ARFGEF2: variants seen among roughly 807,000 people sequenced by gnomAD.
The protein encoded by ARFGEF2 is ARF guanine nucleotide exchange factor 2.
In ARFGEF2, 74 loss-of-function variants were observed where a neutral mutation model predicts 219.9. That is an observed-to-expected ratio of 0.34 (90% CI 0.28 to 0.41). The LOEUF is 0.41. Among genes scored for constraint, ARFGEF2 ranks in the 10% least tolerant of loss-of-function variants. ARFGEF2 has a pLI of 1.00. For synonymous variants in ARFGEF2, 733 were observed against 799.2 expected, an observed-to-expected ratio of 0.92 and a Z score of 1.40; for missense variants, 1,743 against 2,218.3, an observed-to-expected ratio of 0.79 and a Z score of 4.30.
chr20:48,976,941 A>C (rs1346511118), intron 14 of ARFGEF2, among the ~76,000 whole-genome samples: 1 of 58,416 alleles, frequency 1.7e-5, no homozygotes, highest in African/African-American at 9.5e-5. Flanking sequence ...TAGGCATTTT[A>C]TTTTATTTTA....
In ARFGEF2 at chr20:49,028,561, A is replaced by G; in HGVS notation, c.4956A>G (p.Leu1652=). 1 of 1,614,222 alleles carries G rather than the reference A, an allele frequency of 6.2e-7. No homozygotes were observed. The highest frequency in any genetic ancestry group is 8.5e-7 in the Non-Finnish European group (1 of 1,180,022). Residue 1652 remains leucine, a synonymous_variant, in exon 37 of 39, where the codon CTA becomes CTG. Coordinates refer to ENST00000371917, the MANE Select transcript of ARFGEF2 (RefSeq NM_006420.3). ...AGGGCAAGTCTAAACCCAATCTTCT[A>G]AAACAAGAAACCAGCAGCCTGGCCT... is the stretch of plus-strand genomic sequence containing the variant. ...GFKGKSKPNL[L]KQETSSLACC... is the part of the protein sequence containing the mutation.
At chr20:48,990,317 A>C (rs1056006242) in intron 20 of ARFGEF2, among the ~76,000 whole-genome samples, 2 of 152,142 alleles carry the variant, frequency 1.3e-5, no homozygotes, top group East Asian at 1.9e-4. Flanking sequence ...ATCAGTTTTT[A>C]TTATAATTTC....
At chr20:48,976,912 CTTAT>C (rs533824754) in intron 14 of ARFGEF2, among the ~76,000 whole-genome samples, 33 of 151,536 alleles carry the variant, frequency 2.2e-4, no homozygotes, top group East Asian at 5.8e-4. Context: ...TACTGTTTGT[CTTAT>C]TTGTTTTATT....
intron 13 of ARFGEF2, among the ~76,000 whole-genome samples, chr20:48,975,310 A>G (rs2091254133): frequency 6.6e-6 from 1 of 152,038 alleles, no homozygotes; most frequent in Non-Finnish European, 1.5e-5. Context: ...AGCCTCCCAA[A>G]GCTCTGGGAT....
At chr20:49,002,101 G>A (rs542553781) in intron 25 of ARFGEF2, among the ~76,000 whole-genome samples, 20 of 152,234 alleles carry the variant, frequency 1.3e-4, no homozygotes, top group African/African-American at 2.6e-4. Flanking sequence ...AGCAGGGCGC[G>A]GTAGTGGACG....
At chr20:49,028,262 C>CA (rs1404674120) in intron 36 of ARFGEF2, among the ~76,000 whole-genome samples, 4 of 149,888 alleles carry the variant, frequency 2.7e-5, no homozygotes, top group African/African-American at 2.4e-5. Context: ...GTCTCAAAAA[C>CA]AAAAAAAAAT....
Position 49,033,148 on chromosome 20 carries a change from G to C in ARFGEF2, c.5307G>C (p.Trp1769Cys). The part of the protein sequence containing the change: ...FLRIGVVYKI[W>C]IPEEPSQVPA... ...GGATAGGTGTTGTGTATAAGATATG[G>C]ATACCAGAAGAGCCATCACAGGTAC... Residue 1769 changes from tryptophan to cysteine, a missense_variant, in exon 39 of 39, where the codon TGG (tryptophan) becomes TGC (cysteine). This residue lies in a region of ARFGEF2 where 578 missense variants were observed against 664.0 expected (regional missense o/e 0.87). Coordinates refer to ENST00000371917, the MANE Select transcript of ARFGEF2 (RefSeq NM_006420.3). 1 of 1,614,206 alleles carries C rather than the reference G, an allele frequency of 6.2e-7. No individual in the cohort carries two copies. Among genetic ancestry groups the C allele is most frequent in the South Asian group, 1.1e-5 (1 of 91,088 alleles).
At chr20:48,966,177 A>G (rs1042689813) in intron 8 of ARFGEF2, among the ~76,000 whole-genome samples, 154 bp downstream of exon 8, 6 of 152,242 alleles carry the variant, frequency 3.9e-5, no homozygotes, top group Admixed American at 2.0e-4. Flanking sequence ...TTGTATTAGC[A>G]GGTTCAGTTC....
intron 38 of ARFGEF2, 61 bp downstream of exon 38, chr20:49,032,227 A>T: frequency 1.6e-6 from 2 of 1,214,654 alleles, no homozygotes; most frequent in Admixed American, 1.7e-5. Flanking sequence ...TTGGCTTTTT[A>T]CTCAAGAGTT....
chr20:48,958,382 C>T (rs1453696724), intron 6 of ARFGEF2, among the ~76,000 whole-genome samples: 4 of 151,940 alleles, frequency 2.6e-5, no homozygotes, highest in Admixed American at 6.6e-5. Context: ...CCAGAGCCCT[C>T]GCTGTTATTC....
chr20:48,946,779 C>G (rs112913747), intron 3 of ARFGEF2, among the ~76,000 whole-genome samples: 1 of 151,668 alleles, frequency 6.6e-6, no homozygotes. Context: ...GGATTACAGG[C>G]GTGAGCCACT....
rs749524191 is a variant in ARFGEF2, at chr20:49,010,443, G to A, written c.3757+39G>A. 6 of 1,608,814 alleles carry A rather than the reference G, an allele frequency of 3.7e-6. No homozygotes were observed. In the South Asian group the frequency reaches 6.6e-5, roughly 18 times the overall value. On this transcript the variant is annotated intron_variant, in intron 27 of 38. Coordinates refer to ENST00000371917, the MANE Select transcript of ARFGEF2 (RefSeq NM_006420.3). ...TTCCCTCCCTACTAATGTCCCACCT[G>A]CAAGTCTAGAAGAGTGTCACTTGCT...
intron 15 of ARFGEF2, 80 bp downstream of exon 15, chr20:48,984,920 G>A (rs2091317933): frequency 1.2e-6 from 2 of 1,607,264 alleles, no homozygotes; most frequent in East Asian, 2.2e-5. Flanking sequence ...CCTCGAGATT[G>A]TCTGGCCCTA....
rs1380925561 is a variant in ARFGEF2 at position 49,033,095 on chromosome 20, C to T, written c.5254C>T (p.Arg1752Ter). Residue 1752 changes from arginine (R) to a stop codon, truncating the protein, a stop_gained, in exon 39 of 39, where the codon CGA (arginine) becomes TGA (stop). Coordinates refer to ENST00000371917, the MANE Select transcript of ARFGEF2 (RefSeq NM_006420.3). LOFTEE classifies it high-confidence loss of function. Reference protein sequence around the residue: ...IMQFDLIPELRAVLRKFFLRI... With the variant: ...IMQFDLIPEL ...GCAGTTTGACCTGATCCCTGAGCTC[C>T]GAGCAGTTCTGCGGAAGTTCTTCCT... The T allele has an allele frequency of 1.2e-6, 2 of 1,613,934 alleles. No individual in the cohort carries two copies. Among genetic ancestry groups the T allele is most frequent in the Non-Finnish European group, 1.7e-6 (2 of 1,180,046 alleles).
At chr20:49,031,041 T>C (rs1170947237) in intron 37 of ARFGEF2, among the ~76,000 whole-genome samples, 1 of 152,046 alleles carries the variant, frequency 6.6e-6, no homozygotes, top group African/African-American at 2.4e-5. Flanking sequence ...GCATGTTTTT[T>C]AAAAAAGCAA....
At chr20:49,010,735 A>G (rs1245854202) in intron 27 of ARFGEF2, among the ~76,000 whole-genome samples, 3 of 152,220 alleles carry the variant, frequency 2.0e-5, no homozygotes, top group Non-Finnish European at 4.4e-5. Context: ...ATTACAGTCA[A>G]TCCTCATTAT....
chr20:48,933,088 G>A (rs576038667), intron 1 of ARFGEF2, among the ~76,000 whole-genome samples: 5 of 152,138 alleles, frequency 3.3e-5, no homozygotes, highest in Non-Finnish European at 1.5e-5. Flanking sequence ...TGACCCGAGC[G>A]GTAACATCCA....
intron 1 of ARFGEF2, among the ~76,000 whole-genome samples, chr20:48,936,603 C>G (rs1056534430): frequency 6.6e-6 from 1 of 152,144 alleles, no homozygotes; most frequent in Non-Finnish European, 1.5e-5. Flanking sequence ...CAGCTCACTG[C>G]GCCCTTTGCC....
At chr20:48,922,701 G>A (rs1600577303) in intron 1 of ARFGEF2, among the ~76,000 whole-genome samples, 1 of 152,358 alleles carries the variant, frequency 6.6e-6, no homozygotes, top group East Asian at 1.9e-4. Context: ...TGATTGAATG[G>A]ACCCTCAGAT....
Sources: gnomAD v4.1 joint callset for allele counts (sites outside exome capture counted in the v4.1 genomes callset) on GRCh38, gnomAD v4.1.1 for gene constraint, gnomAD v4.1.1 regional missense constraint, MANE v1.5 for transcripts, NCBI Gene and HGNC (gene_info 2026-07-23, HGNC 2026-07-21) for gene names.